LEKR1: variants seen among roughly 807,000 people sequenced by gnomAD.
The protein encoded by LEKR1 is leucine, glutamate and lysine rich 1.
A neutral mutation model predicts 72.4 loss-of-function variants in LEKR1; 59 were observed. The observed-to-expected ratio is 0.82, with a 90% confidence interval of 0.66 to 1.01. LEKR1 has a LOEUF of 1.01. Ranked by LOEUF, LEKR1 falls within the 50% of genes least tolerant of loss-of-function variation. The pLI is 0.00. For synonymous variants in LEKR1, 257 were observed against 263.2 expected (o/e 0.98, Z 0.23); for missense variants, 728 against 759.2 (o/e 0.96, Z 0.48).
chr3:156,902,521 C>A (rs1251891625), intron 3 of LEKR1, among the ~76,000 whole-genome samples: 1 of 151,992 alleles, frequency 6.6e-6, no homozygotes, highest in Non-Finnish European at 1.5e-5. Context: ...AGCTGAGGGA[C>A]AAACATATAT....
At chr3:156,840,434 A>G (rs554348331) in intron 2 of LEKR1, among the ~76,000 whole-genome samples, 3 of 152,368 alleles carry the variant, frequency 2.0e-5, no homozygotes, top group African/African-American at 7.2e-5. Context: ...TACATTGTTA[A>G]TAGTATATTT....
intron 11 of LEKR1, among the ~76,000 whole-genome samples, chr3:157,025,628 G>A (rs959374543): frequency 6.6e-6 from 1 of 152,188 alleles, no homozygotes; most frequent in Admixed American, 6.6e-5. Context: ...TGAACAACAG[G>A]CAGCACCAGC....
chr3:157,040,339 C>G (rs1249487722), intron 12 of LEKR1, among the ~76,000 whole-genome samples: 1 of 152,134 alleles, frequency 6.6e-6, no homozygotes, highest in Non-Finnish European at 1.5e-5. Flanking sequence ...GGATTATTGC[C>G]CTCTGTTGCT....
At chr3:156,926,838 A>G (rs1724762008) in intron 4 of LEKR1, among the ~76,000 whole-genome samples, 1 of 151,920 alleles carries the variant, frequency 6.6e-6, no homozygotes, top group South Asian at 2.1e-4. Flanking sequence ...GGCTTCAGTC[A>G]TCACCTTTTT....
chr3:156,953,287 A>G (rs1727330594), intron 6 of LEKR1, among the ~76,000 whole-genome samples: 1 of 151,528 alleles, frequency 6.6e-6, no homozygotes, highest in South Asian at 2.1e-4. Flanking sequence ...AACATTGTAC[A>G]CTAGTTTAGT....
chr3:156,947,160 A>G (rs527818143), intron 6 of LEKR1, among the ~76,000 whole-genome samples: 4 of 149,608 alleles, frequency 2.7e-5, no homozygotes, highest in African/African-American at 9.8e-5. Context: ...CTAATTTTGG[A>G]CTTGGTTTTC....
At chr3:157,025,405 A>C (rs80224311) in intron 11 of LEKR1, among the ~76,000 whole-genome samples, 9,315 of 152,228 alleles carry the variant, frequency 0.061, 369 homozygotes, top group Non-Finnish European at 0.084. Flanking sequence ...TAAATACTAA[A>C]GGTTTTGTTA....
intron 3 of LEKR1, among the ~76,000 whole-genome samples, chr3:156,901,091 C>T (rs1030710500): frequency 2.0e-5 from 3 of 151,512 alleles, no homozygotes; most frequent in African/African-American, 7.3e-5. Flanking sequence ...TCGCCAACCC[C>T]AGTAGCTGGG....
intron 12 of LEKR1, among the ~76,000 whole-genome samples, chr3:157,037,960 A>T (rs1735081003): frequency 6.6e-6 from 1 of 152,180 alleles, no homozygotes; most frequent in African/African-American, 2.4e-5. Context: ...GTGAGCAAGG[A>T]TAGTGATAGA....
chr3:157,014,590 A>T (rs1359850441), intron 10 of LEKR1, among the ~76,000 whole-genome samples: 1 of 152,180 alleles, frequency 6.6e-6, no homozygotes, highest in Admixed American at 6.5e-5. Flanking sequence ...GTTGTTATTT[A>T]TAAAATATCA....
chr3:156,854,461 T>A (rs1715789363), intron 3 of LEKR1, among the ~76,000 whole-genome samples: 1 of 151,988 alleles, frequency 6.6e-6, no homozygotes, highest in South Asian at 2.1e-4. Flanking sequence ...TCACTTTTAA[T>A]GATTTGGTGT....
intron 3 of LEKR1, among the ~76,000 whole-genome samples, chr3:156,904,549 G>A (rs560282177): frequency 1.4e-4 from 21 of 150,816 alleles, no homozygotes; most frequent in African/African-American, 4.9e-4. Flanking sequence ...AGCCTTGAAC[G>A]CTCGGGCTCA....
chr3:156,916,705 G>C (rs1723686298), intron 3 of LEKR1, among the ~76,000 whole-genome samples: 1 of 151,962 alleles, frequency 6.6e-6, no homozygotes, highest in Non-Finnish European at 1.5e-5. Context: ...CTGCAAACAG[G>C]GATAGTTTGA....
chr3:157,024,982 A>C, intron 11 of LEKR1, 58 bp downstream of exon 11: 1 of 1,256,824 alleles, frequency 8.0e-7, no homozygotes, highest in Non-Finnish European at 1.1e-6. Flanking sequence ...GATGTTGTAT[A>C]TTTCGCCTTA....
chr3:156,901,244 G>A (rs1447252612), intron 3 of LEKR1, among the ~76,000 whole-genome samples: 2 of 145,630 alleles, frequency 1.4e-5, no homozygotes, highest in Non-Finnish European at 3.0e-5. Context: ...TTCTCTTCTT[G>A]TCTGCTTTCA....
chr3:157,023,174 C>T (rs1350942286), intron 10 of LEKR1, among the ~76,000 whole-genome samples: 2 of 152,026 alleles, frequency 1.3e-5, no homozygotes, highest in African/African-American at 4.8e-5. Context: ...AGTTTTTCTC[C>T]CAATTTACCT....
intron 3 of LEKR1, among the ~76,000 whole-genome samples, chr3:156,884,177 G>T (rs1450825410): frequency 6.6e-6 from 1 of 152,144 alleles, no homozygotes; most frequent in Admixed American, 6.5e-5. Flanking sequence ...TGTTTTATGT[G>T]AGTCTCTTGA....
chr3:156,969,229 GAGCAGACACATTCAAA>G (rs1728919156), intron 6 of LEKR1, among the ~76,000 whole-genome samples: 1 of 152,238 alleles, frequency 6.6e-6, no homozygotes, highest in African/African-American at 2.4e-5. Flanking sequence ...AGAGAAGCAA[GAGCAGACACATTCAAA>G]AGCTAGCAGA....
chr3:156,899,574 A>G (rs1308058109), intron 3 of LEKR1, among the ~76,000 whole-genome samples: 2 of 144,020 alleles, frequency 1.4e-5, no homozygotes, highest in Non-Finnish European at 1.5e-5. Context: ...ACATGTATAT[A>G]TACATATACA....
Sources: gnomAD v4.1 joint callset for allele counts (sites outside exome capture counted in the v4.1 genomes callset) on GRCh38, gnomAD v4.1.1 for gene constraint, MANE v1.5 for transcripts, NCBI Gene and HGNC (gene_info 2026-07-23, HGNC 2026-07-21) for gene names.